Variants in GPRC5A observed in about 807,000 individuals in gnomAD.
The protein encoded by GPRC5A is G protein-coupled receptor class C group 5 member A, also known as retinoic acid-induced protein 3.
Under a neutral mutation model 22.5 loss-of-function variants are expected in GPRC5A, and 19 were observed. The observed-to-expected ratio is 0.85, with a 90% confidence interval of 0.59 to 1.24. The LOEUF (loss-of-function observed/expected upper bound fraction) is 1.24, where lower values mean the gene tolerates loss of function less well. GPRC5A is among the 50% of genes most tolerant of loss of function. GPRC5A has a pLI of 0.00. For missense variants in GPRC5A, 471 were observed against 451.1 expected (o/e 1.04, Z -0.40); for synonymous variants, 192 against 184.5 (o/e 1.04, Z -0.33).
rs58381355 is a variant in GPRC5A, at chr12:12,914,549, C to CTTCCTTCTTTCTTTCTTTCTTTCTTTCT, written c.*2013_*2014insCTTCTTTCTTTCTTTCTTTCTTTCTTTC. ...CTCTCTTTCCTTCCTTCCTTCCTTT[C>CTTCCTTCTTTCTTTCTTTCTTTCTTTCT]TTCTTTCTTTCTTTCTTTCTTTCTT... is the stretch of plus-strand genomic sequence containing the variant. On this transcript the variant is annotated 3_prime_UTR_variant, in exon 4 of 4. Coordinates refer to ENST00000014914, the MANE Select transcript of GPRC5A (RefSeq NM_003979.4). 51 of 50,566 alleles carry CTTCCTTCTTTCTTTCTTTCTTTCTTTCT rather than the reference C, an allele frequency of 1.0e-3. 2 individuals carry two copies. Among genetic ancestry groups the CTTCCTTCTTTCTTTCTTTCTTTCTTTCT allele is most frequent in the East Asian group, 6.6e-3 (14 of 2,116 alleles). The allele number at this position is 50,566 out of a possible 1,614,324, so 3.1% of individuals were successfully genotyped here. A position where few individuals can be genotyped will look rare whatever the true frequency, so the allele number is the denominator to read the frequency against.
intron 1 of GPRC5A, among the ~76,000 whole-genome samples, chr12:12,892,333 G>T (rs1421810538): frequency 6.6e-6 from 1 of 152,128 alleles, no homozygotes; most frequent in Non-Finnish European, 1.5e-5. Context: ...GTTCCATCTG[G>T]TCCCTTAAAC....
intron 2 of GPRC5A, among the ~76,000 whole-genome samples, chr12:12,911,575 A>G (rs1219000694): frequency 1.4e-5 from 2 of 148,120 alleles, no homozygotes; most frequent in East Asian, 2.0e-4. Flanking sequence ...TGCAAGCTCC[A>G]CCTCCTGGGT....
chr12:12,900,923 A>AAAAAAACAAAAAAC (rs1555104732), intron 1 of GPRC5A, among the ~76,000 whole-genome samples: 1 of 109,880 alleles, frequency 9.1e-6, no homozygotes, highest in South Asian at 3.4e-4. Context: ...ACAAAAAAAA[A>AAAAAAACAAAAAAC]ACAACCCAGA....
At chr12:12,904,723 C>T (rs1048462811) in intron 1 of GPRC5A, among the ~76,000 whole-genome samples, 1 of 151,858 alleles carries the variant, frequency 6.6e-6, no homozygotes, top group Non-Finnish European at 1.5e-5. Flanking sequence ...TACATAATAT[C>T]GTGATAATAT....
chr12:12,917,439 C>CTA lies in GPRC5A; in HGVS notation c.*4901_*4902dup. 6.6e-6 allele frequency: 1 copy of CTA among 152,166 alleles called. No individual in the cohort carries two copies. The highest frequency in any genetic ancestry group is 1.9e-4 in the East Asian group (1 of 5,182). 9.4% of individuals were successfully genotyped at this position (152,166 alleles called of 1,614,324 possible). A position where few individuals can be genotyped will look rare whatever the true frequency, so the allele number is the denominator to read the frequency against. On this transcript the variant is annotated 3_prime_UTR_variant, in exon 4 of 4. Coordinates refer to ENST00000014914, the MANE Select transcript of GPRC5A (RefSeq NM_003979.4). Reference sequence around the variant, plus strand: ...CTCAGGGCTAATGGAGTTAATGCAACTAGATCAGGGTTTTGGGTCTGTGTT... The same window carrying CTA: ...CTCAGGGCTAATGGAGTTAATGCAACTATAGATCAGGGTTTTGGGTCTGTGTT...
chr12:12,891,728 G>T (rs1863760237), intron 1 of GPRC5A, 64 bp downstream of exon 1: 1 of 152,220 alleles, frequency 6.6e-6, no homozygotes, highest in African/African-American at 2.4e-5. Context: ...TGGGGAGAGC[G>T]GGGCGTTGGG....
chr12:12,895,014 G>A (rs1282522652), intron 1 of GPRC5A, among the ~76,000 whole-genome samples: 2 of 151,928 alleles, frequency 1.3e-5, no homozygotes, highest in African/African-American at 4.8e-5. Context: ...TCCTGACCTC[G>A]TGATCTGCCC....
At chr12:12,899,640 A>G (rs574623084) in intron 1 of GPRC5A, among the ~76,000 whole-genome samples, 1 of 152,338 alleles carries the variant, frequency 6.6e-6, no homozygotes, top group South Asian at 2.1e-4. Flanking sequence ...GTAAAAATAC[A>G]TAACTACTCA....
In GPRC5A at chr12:12,900,904, A is replaced by AAC. The variant is rs1230742315; in HGVS notation, c.-7-7338_-7-7337insCA. Among the ~76,000 whole-genome samples, 631 of 125,038 alleles carry AAC rather than the reference A, an allele frequency of 5.0e-3. 7 individuals are homozygous for AAC. The highest frequency in any genetic ancestry group is 0.023 in the African/African-American group (591 of 25,282). The allele number at this position is 125,038 out of a possible 152,430, so 82.0% of individuals were successfully genotyped here. A position where few individuals can be genotyped will look rare whatever the true frequency, so the allele number is the denominator to read the frequency against. Reference sequence around the variant, plus strand: ...AAAACTCCGTCTCAAAAAAAAAAAAAAAAAAAAAACAAAAAAAAAACAACC... The same window carrying AAC: ...AAAACTCCGTCTCAAAAAAAAAAAAAACAAAAAAAAACAAAAAAAAAACAACC... On this transcript the variant is annotated intron_variant, in intron 1 of 3. Transcript: ENST00000014914.
intron 1 of GPRC5A, among the ~76,000 whole-genome samples, chr12:12,902,875 C>A (rs112296224): frequency 6.6e-6 from 1 of 152,124 alleles, no homozygotes; most frequent in African/African-American, 2.4e-5. Flanking sequence ...TGAGACCAGC[C>A]TGATCAACAT....
At position 12,908,622 on chromosome 12, in the gene GPRC5A, G is replaced by A. The variant is rs956811182; in HGVS notation, c.373G>A (p.Gly125Arg). Residue 125 changes from glycine to arginine, a missense_variant, in exon 2 of 4, where the codon GGG becomes AGG. Gly to Arg is a moderately radical substitution (Grantham distance 125). Coordinates refer to ENST00000014914, the MANE Select transcript of GPRC5A (RefSeq NM_003979.4). ...TGTCAGTCTGACCAAGCTCGTCCGGGGGAGGAAGCCCCTTTCCCTGTTGGT... is the reference window on the plus strand; with the variant it reads ...TGTCAGTCTGACCAAGCTCGTCCGGAGGAGGAAGCCCCTTTCCCTGTTGGT... ...HAVSLTKLVR[G>R]RKPLSLLVIL... 1.2e-6 allele frequency: 2 copies of A among 1,613,938 alleles called. No homozygotes were observed. The highest frequency in any genetic ancestry group is 1.3e-5 in the African/African-American group (1 of 74,918).
At chr12:12,904,712 A>G (rs569345379) in intron 1 of GPRC5A, among the ~76,000 whole-genome samples, 1 of 152,282 alleles carries the variant, frequency 6.6e-6, no homozygotes, top group African/African-American at 2.4e-5. Flanking sequence ...TTAACACACT[A>G]TACATAATAT....
rs770436745 is a variant in GPRC5A, at chr12:12,901,341, G to A, written c.-7-6902G>A. On this transcript the variant is annotated intron_variant, in intron 1 of 3. Transcript: ENST00000014914. Reference sequence around the variant, plus strand: ...GAGCGGGGTTCAGACATGGCCAGGCGCTCCTAATCTCAGACCCAAAGTGCA... The same window carrying A: ...GAGCGGGGTTCAGACATGGCCAGGCACTCCTAATCTCAGACCCAAAGTGCA... 3.9e-5 allele frequency among the ~76,000 whole-genome samples: 6 copies of A among 152,220 alleles called. No homozygotes were observed. The East Asian group carries it at 5.8e-4, about 15-fold the overall frequency.
intron 1 of GPRC5A, among the ~76,000 whole-genome samples, chr12:12,895,377 T>C (rs1863811479): frequency 6.6e-6 from 1 of 151,958 alleles, no homozygotes; most frequent in African/African-American, 2.4e-5. Context: ...GTTTAGTCTT[T>C]TTTTTTTTCA....
At chr12:12,897,902 G>A (rs1863840178) in intron 1 of GPRC5A, among the ~76,000 whole-genome samples, 1 of 151,878 alleles carries the variant, frequency 6.6e-6, no homozygotes, top group Admixed American at 6.6e-5. Context: ...GAGCCACTGC[G>A]CCCGGCCGAT....
intron 1 of GPRC5A, among the ~76,000 whole-genome samples, chr12:12,896,375 G>C (rs560909477): frequency 4.7e-4 from 72 of 152,264 alleles, no homozygotes; most frequent in Middle Eastern, 3.4e-3. Flanking sequence ...TTATTGCCAT[G>C]ATTCATCACT....
At position 12,916,725 on chromosome 12, in the gene GPRC5A, ATTG is replaced by A. The variant is rs1292641156; in HGVS notation, c.*4192_*4194del. 6.6e-6 allele frequency: 1 copy of A among 152,116 alleles called. No individual in the cohort carries two copies. Among genetic ancestry groups the A allele is most frequent in the Non-Finnish European group, 1.5e-5 (1 of 68,040 alleles). The allele number at this position is 152,116 out of a possible 1,614,324, so 9.4% of individuals were successfully genotyped here. On this transcript the variant is annotated 3_prime_UTR_variant, in exon 4 of 4. Coordinates refer to ENST00000014914, the MANE Select transcript of GPRC5A (RefSeq NM_003979.4). ...TTTACGGAGAGCGGTCTCATATGCT[ATTG>A]TTGTTAACGTGGACTAGTATTTATG...
intron 1 of GPRC5A, among the ~76,000 whole-genome samples, chr12:12,892,513 A>G (rs1863772463): frequency 6.6e-6 from 1 of 152,084 alleles, no homozygotes; most frequent in Non-Finnish European, 1.5e-5. Context: ...GATTACAGGC[A>G]TGCACCACCA....
intron 1 of GPRC5A, among the ~76,000 whole-genome samples, chr12:12,904,534 C>T (rs1160230154): frequency 1.3e-5 from 2 of 152,094 alleles, no homozygotes; most frequent in Non-Finnish European, 2.9e-5. Context: ...GAAGTGGAAA[C>T]GTGTCTGTTT....
Sources: allele counts gnomAD v4.1 joint callset (sites outside exome capture counted in the v4.1 genomes callset), GRCh38; gene constraint gnomAD v4.1.1; transcripts MANE v1.5; gene names NCBI Gene and HGNC (gene_info 2026-07-23, HGNC 2026-07-21).